The following CSMD1 variants were observed in gnomAD, a reference collection of about 807,000 sequenced individuals.
CSMD1 encodes the protein CUB and Sushi multiple domains 1, also known as CUB and sushi domain-containing protein 1.
Under a neutral mutation model 417.5 loss-of-function variants are expected in CSMD1, and 213 were observed. That is an observed-to-expected ratio of 0.51 (90% confidence interval 0.46 to 0.57). CSMD1 has a LOEUF of 0.57. CSMD1 is among the 20% of genes least tolerant of loss of function. The pLI is 0.00. For synonymous variants in CSMD1, 2,862 were observed against 1,736.8 expected, an observed-to-expected ratio of 1.65 and a Z score of -16.11; for missense variants, 6,923 against 4,529.7, an observed-to-expected ratio of 1.53 and a Z score of -15.17.
Position 3,142,544 on chromosome 8 carries a change from C to T in CSMD1, c.6162G>A (p.Leu2054=), listed in dbSNP as rs1293693782. 1.2e-6 allele frequency: 2 copies of T among 1,613,836 alleles called. No individual in the cohort carries two copies. The highest frequency in any genetic ancestry group is 2.2e-5 in the East Asian group (1 of 44,884). ...FSGTDLPAAL[L]STTHETLIHF... Reference sequence around the variant, plus strand: ...GGATGAGGGTTTCATGCGTTGTGCTCAGCAGGGCCGCGGGGAGATCCGTGC... The same window carrying T: ...GGATGAGGGTTTCATGCGTTGTGCTTAGCAGGGCCGCGGGGAGATCCGTGC... The change falls in exon 41 of 70, where the codon CTG becomes CTA. Residue 2054 remains leucine, a synonymous_variant. Transcript: ENST00000635120.
chr8:4,987,448 G>A (rs1338143063), intron 1 of CSMD1, among the ~76,000 whole-genome samples: 3 of 152,088 alleles, frequency 2.0e-5, no homozygotes. Context: ...CGGGGTTCAT[G>A]GTTTATAATT....
chr8:3,854,632 C>G (rs1461909234), intron 5 of CSMD1, among the ~76,000 whole-genome samples: 1 of 151,920 alleles, frequency 6.6e-6, no homozygotes, highest in South Asian at 2.1e-4. Context: ...CATTGTCAGG[C>G]CTTATGATAT....
At chr8:3,807,928 T>C (rs79490162) in intron 5 of CSMD1, among the ~76,000 whole-genome samples, 1 of 152,088 alleles carries the variant, frequency 6.6e-6, no homozygotes, top group African/African-American at 2.4e-5. Context: ...TAAATTGTAA[T>C]TTTTGAGGCT....
chr8:3,353,746 T>C (rs1343037915), intron 21 of CSMD1, among the ~76,000 whole-genome samples: 1 of 120,584 alleles, frequency 8.3e-6, no homozygotes, highest in East Asian at 2.6e-4. Flanking sequence ...TATTTAATAC[T>C]AATTTAAGAT....
chr8:3,228,880 C>A (rs1020634134), intron 27 of CSMD1, among the ~76,000 whole-genome samples: 1 of 151,984 alleles, frequency 6.6e-6, no homozygotes, highest in Non-Finnish European at 1.5e-5. Flanking sequence ...AGAAACACGC[C>A]GAAATCTCTG....
At chr8:2,947,513 T>TA (rs1802331372) in intron 68 of CSMD1, among the ~76,000 whole-genome samples, 1 of 152,186 alleles carries the variant, frequency 6.6e-6, no homozygotes, top group East Asian at 1.9e-4. Context: ...CACATGAGAA[T>TA]AAAAATCCCT....
chr8:3,796,562 T>C (rs575642028), intron 5 of CSMD1, among the ~76,000 whole-genome samples: 4 of 146,024 alleles, frequency 2.7e-5, no homozygotes, highest in Admixed American at 7.0e-5. Flanking sequence ...ATGATAGATA[T>C]ATATCTATAT....
intron 7 of CSMD1, among the ~76,000 whole-genome samples, chr8:3,626,231 T>G (rs73660395): frequency 0.013 from 1,921 of 152,302 alleles, 25 homozygotes; most frequent in African/African-American, 0.031. Context: ...CCGGCTTAGC[T>G]GGAGGACTTA....
intron 3 of CSMD1, among the ~76,000 whole-genome samples, chr8:4,308,602 G>C (rs1194411923): frequency 1.3e-5 from 2 of 152,200 alleles, no homozygotes; most frequent in African/African-American, 2.4e-5. Flanking sequence ...GAATAATGGA[G>C]AGAATTTGTT....
chr8:4,804,618 G>C (rs1182701533), intron 1 of CSMD1, among the ~76,000 whole-genome samples: 1 of 151,934 alleles, frequency 6.6e-6, no homozygotes, highest in East Asian at 1.9e-4. Context: ...GAAGACAGGG[G>C]ATATAAAAGG....
chr8:4,694,790 T>A lies in CSMD1; in HGVS notation c.86-57232A>T, dbSNP rs536063746. 4.3e-4 allele frequency among the ~76,000 whole-genome samples: 65 copies of A among 152,216 alleles called. 1 individual carries two copies. The highest frequency in any genetic ancestry group is 7.5e-4 in the Non-Finnish European group (51 of 68,010). ...TGAGGCTGTGTCACGGGACTGCGCGTCCTTAACCTTGGCAAAATAAACTTT... is the reference window on the plus strand; with the variant it reads ...TGAGGCTGTGTCACGGGACTGCGCGACCTTAACCTTGGCAAAATAAACTTT... On this transcript the variant is annotated intron_variant, in intron 1 of 69. Transcript: ENST00000635120.
chr8:4,130,386 T>C (rs1803026551), intron 3 of CSMD1, among the ~76,000 whole-genome samples: 1 of 152,130 alleles, frequency 6.6e-6, no homozygotes, highest in Non-Finnish European at 1.5e-5. Flanking sequence ...CCTTGTAAAA[T>C]ATACTTTTGA....
chr8:3,801,958 A>C (rs1460526623), intron 5 of CSMD1, among the ~76,000 whole-genome samples: 4 of 152,132 alleles, frequency 2.6e-5, no homozygotes, highest in Admixed American at 6.6e-5. Context: ...ATGACTGATA[A>C]TAGGTACAGA....
chr8:4,064,836 T>G (rs1799162023), intron 3 of CSMD1, among the ~76,000 whole-genome samples: 1 of 152,086 alleles, frequency 6.6e-6, no homozygotes, highest in Non-Finnish European at 1.5e-5. Context: ...ATCATGTCAA[T>G]AATGTGATGT....
At chr8:3,217,060 A>C (rs1797923835) in intron 29 of CSMD1, among the ~76,000 whole-genome samples, 1 of 152,206 alleles carries the variant, frequency 6.6e-6, no homozygotes, top group Non-Finnish European at 1.5e-5. Flanking sequence ...GGCTGCATGC[A>C]ATGACATCAC....
At chr8:4,201,877 A>C (rs1037769202) in intron 3 of CSMD1, among the ~76,000 whole-genome samples, 1 of 59,076 alleles carries the variant, frequency 1.7e-5, no homozygotes, top group Non-Finnish European at 3.6e-5. Flanking sequence ...ACCATTATAC[A>C]TGGAAATTTT....
chr8:3,607,883 G>C (rs544838822), intron 8 of CSMD1, among the ~76,000 whole-genome samples: 10 of 152,100 alleles, frequency 6.6e-5, no homozygotes, highest in Admixed American at 2.0e-4. Context: ...AGAAGTAAAG[G>C]AAGTAGCCAG....
chr8:3,998,686 T>G (rs570642806), intron 4 of CSMD1, among the ~76,000 whole-genome samples: 30 of 152,164 alleles, frequency 2.0e-4, no homozygotes, highest in Non-Finnish European at 3.8e-4. Flanking sequence ...TGGAATATCT[T>G]AGAAAAGTGA....
In CSMD1 at chr8:3,399,523, C is replaced by T; in HGVS notation, c.2273G>A (p.Cys758Tyr). 1.9e-6 allele frequency: 3 copies of T among 1,592,478 alleles called. No individual in the cohort carries two copies. The highest frequency in any genetic ancestry group is 1.7e-6 in the Non-Finnish European group (2 of 1,171,010). ...GCTGGACGCTGTCAGATGTCCACCA[C>T]ATGGAGCTAAAACAAGACGTAGAAT... ...SSTVPRCEAPCGGHLTASSGV... is the reference protein window; with the variant it reads ...SSTVPRCEAPYGGHLTASSGV... The change falls in exon 16 of 70, where the codon TGT becomes TAT. Residue 758 changes from cysteine (C) to tyrosine (Y), a missense_variant. Transcript: ENST00000635120.
Sources: allele counts gnomAD v4.1 joint callset (sites outside exome capture counted in the v4.1 genomes callset), GRCh38; gene constraint gnomAD v4.1.1; transcripts MANE v1.5; gene names NCBI Gene and HGNC (gene_info 2026-07-23, HGNC 2026-07-21).